LRFN1: variants seen among roughly 807,000 people sequenced by gnomAD.
LRFN1 encodes leucine-rich repeat and fibronectin type III domain-containing protein 1.
In LRFN1, 20 loss-of-function variants were observed where a neutral mutation model predicts 31.8. The observed-to-expected ratio is 0.63, with a 90% CI of 0.44 to 0.91. The LOEUF (loss-of-function observed/expected upper bound fraction) is 0.91. Ranked by LOEUF, LRFN1 falls within the 40% of genes least tolerant of loss-of-function variation. The probability of loss-of-function intolerance (pLI) is 0.00; values close to 1 mark genes in which losing one functional copy is unlikely to be tolerated. For synonymous variants in LRFN1, 514 were observed against 541.3 expected, an observed-to-expected ratio of 0.95 and a Z score of 0.70; for missense variants, 912 against 1,129.8, an observed-to-expected ratio of 0.81 and a Z score of 2.76.
At chr19:39,309,477 C>CAAAAAAAAAAAAAAAAAAAAAAAAA (rs2075142977) in intron 4 of LRFN1, among the ~76,000 whole-genome samples, 1 of 41,428 alleles carries the variant, frequency 2.4e-5, no homozygotes, top group African/African-American at 3.0e-4. Context: ...AACAAACAAA[C>CAAAAAAAAAAAAAAAAAAAAAAAAA]CAAAAAAAAA....
At chr19:39,311,875 C>CTTT (rs562002567) in intron 4 of LRFN1, among the ~76,000 whole-genome samples, 9 of 100,596 alleles carry the variant, frequency 8.9e-5, no homozygotes, top group Admixed American at 2.1e-4. Flanking sequence ...AAAAGGGAGG[C>CTTT]TTTTTTTTTT....
Position 39,314,103 on chromosome 19 carries a change from C to T in LRFN1, c.1234G>A (p.Ala412Thr), listed in dbSNP as rs2075161126. ...TTGGCACCTGGTCTGCCCGGCGTGG[C>T]GATGTCAGAGGAGCCGGGCTCGGTG... ...PLTEPGSSDI[A>T]TPGRPGANDS... The change falls in exon 4 of 5, where the codon GCC becomes ACC. Residue 412 changes from alanine (A) to threonine (T), a missense_variant. This residue lies in a region of LRFN1 where 511 missense variants were observed against 557.0 expected (regional missense o/e 0.92). Coordinates refer to ENST00000248668, the MANE Select transcript of LRFN1 (RefSeq NM_020862.2). 3.1e-6 allele frequency: 5 copies of T among 1,612,368 alleles called. No homozygotes were observed. Among genetic ancestry groups the T allele is most frequent in the Middle Eastern group, 1.7e-4 (1 of 6,042 alleles).
At chr19:39,310,384 G>T (rs2075146591) in intron 4 of LRFN1, among the ~76,000 whole-genome samples, 1 of 152,222 alleles carries the variant, frequency 6.6e-6, no homozygotes, top group Admixed American at 6.5e-5. Context: ...GGCACTTAAT[G>T]ATATCATCAT....
At chr19:39,313,812 C>G (rs1167240284) in intron 4 of LRFN1, 119 bp downstream of exon 4, 1 of 878,196 alleles carries the variant, frequency 1.1e-6, no homozygotes, top group South Asian at 1.7e-5. Context: ...AGGGCGGGAA[C>G]AGCTCTCACA....
intron 2 of LRFN1, among the ~76,000 whole-genome samples, chr19:39,316,764 G>C (rs146119763): frequency 6.6e-6 from 1 of 152,040 alleles, no homozygotes; most frequent in Non-Finnish European, 1.5e-5. Flanking sequence ...AAAACCTTCC[G>C]GCAGGGATTC....
At chr19:39,312,924 G>T (rs1052188192) in intron 4 of LRFN1, among the ~76,000 whole-genome samples, 47 of 152,244 alleles carry the variant, frequency 3.1e-4, no homozygotes, top group African/African-American at 1.1e-3. Flanking sequence ...CTGAGGACAG[G>T]GTCTGGGTGG....
rs762190805 is a variant in LRFN1, at chr19:39,313,923, G to A, written c.1406+8C>T. On this transcript the variant is annotated splice_region_variant and intron_variant, in intron 4 of 4. Transcript: ENST00000248668. ...AGGAGGCCCTGGGACTGCAGCACCC[G>A]CACCCACCTGTAGACGAGGGAGTCA... 1.5e-5 allele frequency: 23 copies of A among 1,578,266 alleles called. 1 individual carries two copies. The highest frequency in any genetic ancestry group is 1.4e-4 in the East Asian group (6 of 44,290).
chr19:39,315,805 C>T lies in LRFN1; in HGVS notation c.-38+277G>A, dbSNP rs1000267904. On this transcript the variant is annotated intron_variant, in intron 3 of 4. Coordinates refer to ENST00000248668, the MANE Select transcript of LRFN1 (RefSeq NM_020862.2). This position sits in a 1 kb window ranked among gnomAD's most constrained non-coding sequence, Gnocchi z 4.7. ...TTGCAATCCAGTCTGGGCGACAGAG[C>T]AAGACTCCATCTTAAAACATAAATA... 6.6e-6 allele frequency among the ~76,000 whole-genome samples: 1 copy of T among 152,138 alleles called. No individual in the cohort carries two copies. The highest frequency in any genetic ancestry group is 2.4e-5 in the African/African-American group (1 of 41,420).
At chr19:39,317,251 A>G (rs977546322) in intron 2 of LRFN1, among the ~76,000 whole-genome samples, 2 of 152,156 alleles carry the variant, frequency 1.3e-5, no homozygotes, top group African/African-American at 4.8e-5. Flanking sequence ...ACAGAGGAGG[A>G]AAGAGACAGA....
At position 39,308,450 on chromosome 19, in the gene LRFN1, C is replaced by A; in HGVS notation, c.1499G>T (p.Gly500Val). 1.2e-6 allele frequency: 2 copies of A among 1,610,136 alleles called. No individual in the cohort carries two copies. Among genetic ancestry groups the A allele is most frequent in the East Asian group, 4.5e-5 (2 of 44,846 alleles). Residue 500 changes from glycine (G) to valine (V), a missense_variant, in exon 5 of 5, where the codon GGG becomes GTG. This residue lies in a region of LRFN1 where 511 missense variants were observed against 557.0 expected (regional missense o/e 0.92). Transcript: ENST00000248668. The surrounding 1 kb of genome is among the most constrained non-coding windows in gnomAD (Gnocchi z 6.2). Reference sequence around the variant, plus strand: ...TCGCGTTGCCGGCAGCGCTGTGGCCCCGTCGTCGTAGACCGCCAGCACGCA... The same window carrying A: ...TCGCGTTGCCGGCAGCGCTGTGGCCACGTCGTCGTAGACCGCCAGCACGCA... ...DLCVLAVYDD[G>V]ATALPATRVV...
Position 39,313,807 on chromosome 19 carries a change from G to A in LRFN1, c.1406+124C>T, listed in dbSNP as rs2075159315. On this transcript the variant is annotated intron_variant, in intron 4 of 4. Transcript: ENST00000248668. The stretch of plus-strand genomic sequence containing the variant: ...GAGAGGAGACAGGGCAAAGGAGGGC[G>A]GGAACAGCTCTCACAGCCATCTAGA... The A allele has an allele frequency of 1.2e-5, 10 of 828,130 alleles. 1 individual carries two copies. Among genetic ancestry groups the A allele is most frequent in the South Asian group, 8.9e-5 (5 of 56,454 alleles). The allele number at this position is 828,130 out of a possible 1,614,324, so 51.3% of individuals were successfully genotyped here. A position where few individuals can be genotyped will look rare whatever the true frequency, so the allele number is the denominator to read the frequency against.
chr19:39,315,406 G>C lies in LRFN1; in HGVS notation c.-37-33C>G, dbSNP rs1397159408. ...GGAAGGAGCCGGTTACCCAGGCGTGGGACTTGGCCGCCATGGGATGTCCTG... is the reference window on the plus strand; with the variant it reads ...GGAAGGAGCCGGTTACCCAGGCGTGCGACTTGGCCGCCATGGGATGTCCTG... On this transcript the variant is annotated intron_variant, in intron 3 of 4. Coordinates refer to ENST00000248668, the MANE Select transcript of LRFN1 (RefSeq NM_020862.2). This position sits in a 1 kb window ranked among gnomAD's most constrained non-coding sequence, Gnocchi z 4.7. The C allele has an allele frequency of 2.2e-6, 3 of 1,349,544 alleles. No individual in the cohort carries two copies. The East Asian group carries it at 7.6e-5, about 34-fold the overall frequency. The allele number at this position is 1,349,544 out of a possible 1,614,324, so 83.6% of individuals were successfully genotyped here. A position where few individuals can be genotyped will look rare whatever the true frequency, so the allele number is the denominator to read the frequency against.
Position 39,307,213 on chromosome 19 carries a change from G to A in LRFN1, c.*420C>T. On this transcript the variant is annotated 3_prime_UTR_variant, in exon 5 of 5. Coordinates refer to ENST00000248668, the MANE Select transcript of LRFN1 (RefSeq NM_020862.2). This position sits in a 1 kb window ranked among gnomAD's most constrained non-coding sequence, Gnocchi z 6.7. Reference sequence around the variant, plus strand: ...TGGAGGCCGCCGCGGGACAGAATAGGATCTAGTCCAGCCAGATACAAGAAA... The same window carrying A: ...TGGAGGCCGCCGCGGGACAGAATAGAATCTAGTCCAGCCAGATACAAGAAA... 2.5e-6 allele frequency: 1 copy of A among 397,520 alleles called. No homozygotes were observed. The highest frequency in any genetic ancestry group is 4.4e-6 in the Non-Finnish European group (1 of 225,746). 24.6% of individuals were successfully genotyped at this position (397,520 alleles called of 1,614,324 possible). A position where few individuals can be genotyped will look rare whatever the true frequency, so the allele number is the denominator to read the frequency against.
At position 39,314,563 on chromosome 19, in the gene LRFN1, G is replaced by T; in HGVS notation, c.774C>A (p.Cys258Ter). ...SFGGNPLHCN[C>*]ELLWLRRLTR... ...TCAGCCGCCGCAGCCAGAGCAGCTC[G>T]CAGTTGCAGTGCAGGGGGTTGCCGC... The change falls in exon 4 of 5, where the codon TGC becomes TGA. Residue 258 changes from cysteine to a stop codon, truncating the protein, a stop_gained. Transcript: ENST00000248668. LOFTEE classifies it high-confidence loss of function. 6.2e-7 allele frequency: 1 copy of T among 1,609,946 alleles called. No individual in the cohort carries two copies. Among genetic ancestry groups the T allele is most frequent in the Non-Finnish European group, 8.5e-7 (1 of 1,178,588 alleles).
intron 4 of LRFN1, among the ~76,000 whole-genome samples, chr19:39,312,562 G>T (rs1421691579): frequency 6.6e-6 from 1 of 152,130 alleles, no homozygotes; most frequent in African/African-American, 2.4e-5. Context: ...CAGCACTTTG[G>T]GAGGCCAAGG....
At chr19:39,311,796 GT>G (rs1271691549) in intron 4 of LRFN1, among the ~76,000 whole-genome samples, 7 of 151,258 alleles carry the variant, frequency 4.6e-5, no homozygotes, top group African/African-American at 1.7e-4. Context: ...TGGGCACACA[GT>G]AGGCATCTAC....
intron 2 of LRFN1, among the ~76,000 whole-genome samples, chr19:39,316,745 G>A (rs768489773): frequency 1.6e-4 from 24 of 152,142 alleles, no homozygotes; most frequent in Non-Finnish European, 2.8e-4. Context: ...CTATGTCTCT[G>A]CTCCAGGCAA....
In LRFN1 at chr19:39,308,899, C is replaced by G. The variant is rs2075140820; in HGVS notation, c.1407-357G>C. Among the ~76,000 whole-genome samples the G allele has an allele frequency of 6.6e-6, 1 of 152,216 alleles. No individual in the cohort carries two copies. Among genetic ancestry groups the G allele is most frequent in the South Asian group, 2.1e-4 (1 of 4,834 alleles). ...ACATGCTCCCTAGCTATGTCTCACT[C>G]TTGCTAGGACAACTGCCATTCAAGG... On this transcript the variant is annotated intron_variant, in intron 4 of 4. Coordinates refer to ENST00000248668, the MANE Select transcript of LRFN1 (RefSeq NM_020862.2). The surrounding 1 kb of genome is among the most constrained non-coding windows in gnomAD (Gnocchi z 6.2).
At chr19:39,309,003 C>T (rs1277615977) in intron 4 of LRFN1, among the ~76,000 whole-genome samples, 2 of 152,236 alleles carry the variant, frequency 1.3e-5, no homozygotes, top group African/African-American at 4.8e-5. Context: ...CCCCATCCCC[C>T]ACTCAGGTGG....
Sources: allele counts gnomAD v4.1 joint callset (sites outside exome capture counted in the v4.1 genomes callset), GRCh38; gene constraint gnomAD v4.1.1; regional missense constraint gnomAD v4.1.1; non-coding constraint Gnocchi (gnomAD v3.1); transcripts MANE v1.5; gene names NCBI Gene and HGNC (gene_info 2026-07-23, HGNC 2026-07-21).